Variants in DIS3L2 observed in about 807,000 individuals in gnomAD.
The protein encoded by DIS3L2 is DIS3-like exonuclease 2.
In DIS3L2, 34 loss-of-function variants were observed where a neutral mutation model predicts 97.5. That is an observed-to-expected ratio of 0.35 (90% CI 0.27 to 0.46). The LOEUF (loss-of-function observed/expected upper bound fraction) is 0.46. Among genes scored for constraint, DIS3L2 ranks in the 20% least tolerant of loss-of-function variants. DIS3L2 has a pLI of 1.00. For synonymous variants in DIS3L2, 435 were observed against 445.2 expected (o/e 0.98, Z 0.29); for missense variants, 1,038 against 1,146.0 (o/e 0.91, Z 1.36).
intron 5 of DIS3L2, among the ~76,000 whole-genome samples, chr2:232,069,594 G>A (rs926201965): frequency 6.6e-6 from 1 of 152,198 alleles, no homozygotes; most frequent in African/African-American, 2.4e-5. Context: ...ATGGGCATGT[G>A]ACCCAAATCA....
intron 10 of DIS3L2, among the ~76,000 whole-genome samples, chr2:232,236,942 G>A (rs909693759): frequency 2.0e-5 from 3 of 152,010 alleles, no homozygotes; most frequent in Non-Finnish European, 4.4e-5. Context: ...TAGAGATGGG[G>A]TTTTGCCATG....
intron 12 of DIS3L2, among the ~76,000 whole-genome samples, chr2:232,262,673 T>C (rs565102408): frequency 6.6e-6 from 1 of 152,350 alleles, no homozygotes; most frequent in South Asian, 2.1e-4. Flanking sequence ...AAGCCTGTTC[T>C]AGACTTCTGT....
At chr2:232,329,760 C>A in intron 14 of DIS3L2, 53 bp from the exon 15 acceptor site, 1 of 1,424,056 alleles carries the variant, frequency 7.0e-7, no homozygotes, top group African/African-American at 1.5e-5. Context: ...GGAAAGCCTG[C>A]GCACCTGTCC....
intron 13 of DIS3L2, among the ~76,000 whole-genome samples, chr2:232,299,086 T>G (rs936748854): frequency 4.6e-4 from 70 of 152,378 alleles, no homozygotes; most frequent in African/African-American, 1.5e-3. Flanking sequence ...TTCAAAATCT[T>G]GAACCGTCCT....
intron 1 of DIS3L2, among the ~76,000 whole-genome samples, chr2:231,979,837 A>G (rs1693201885): frequency 6.6e-6 from 1 of 151,972 alleles, no homozygotes; most frequent in African/African-American, 2.4e-5. Context: ...CGGCCTCCCA[A>G]AGTGCTGGGA....
At chr2:232,148,492 T>C (rs1475587383) in intron 8 of DIS3L2, among the ~76,000 whole-genome samples, 2 of 152,292 alleles carry the variant, frequency 1.3e-5, no homozygotes, top group East Asian at 3.9e-4. Context: ...AATAAATTTA[T>C]TTAAATAAGG....
intron 1 of DIS3L2, among the ~76,000 whole-genome samples, chr2:232,013,349 C>T (rs1694264619): frequency 2.0e-5 from 3 of 152,180 alleles, no homozygotes; most frequent in Admixed American, 2.0e-4. Context: ...CTCCCTAGTG[C>T]TTTTGAAAAA....
At chr2:232,148,993 A>G (rs967936339) in intron 8 of DIS3L2, among the ~76,000 whole-genome samples, 2 of 148,218 alleles carry the variant, frequency 1.3e-5, no homozygotes, top group Non-Finnish European at 3.0e-5. Flanking sequence ...ACTTCTCCCC[A>G]GAAAAAGAGT....
chr2:232,125,246 G>A (rs955205685), intron 6 of DIS3L2, among the ~76,000 whole-genome samples: 1 of 152,228 alleles, frequency 6.6e-6, no homozygotes, highest in African/African-American at 2.4e-5. Flanking sequence ...TGAACAGCAT[G>A]TGCTTTCAAA....
chr2:232,162,270 GC>G (rs900274988), intron 8 of DIS3L2, among the ~76,000 whole-genome samples: 17 of 152,306 alleles, frequency 1.1e-4, no homozygotes, highest in African/African-American at 4.1e-4. Context: ...TATGGGAGGA[GC>G]CCACAGGTCA....
chr2:232,092,284 C>T (rs1044577076), intron 6 of DIS3L2, among the ~76,000 whole-genome samples: 7 of 152,120 alleles, frequency 4.6e-5, no homozygotes, highest in African/African-American at 1.7e-4. Context: ...TGTTTTTATG[C>T]CAGTACCATG....
intron 11 of DIS3L2, among the ~76,000 whole-genome samples, chr2:232,239,553 T>C (rs1693023838): frequency 6.6e-6 from 1 of 152,214 alleles, no homozygotes; most frequent in Non-Finnish European, 1.5e-5. Flanking sequence ...TTTTAAAATT[T>C]GGCAGTCCAG....
chr2:232,007,805 C>T (rs1257639956), intron 1 of DIS3L2, among the ~76,000 whole-genome samples: 1 of 152,026 alleles, frequency 6.6e-6, no homozygotes, highest in Non-Finnish European at 1.5e-5. Context: ...TTTTTTTCTT[C>T]TGATGCCTTT....
chr2:232,195,583 G>T (rs2106200848), intron 9 of DIS3L2, among the ~76,000 whole-genome samples: 1 of 148,470 alleles, frequency 6.7e-6, no homozygotes, highest in African/African-American at 2.5e-5. Flanking sequence ...GGTGGTGGGT[G>T]GGGGTGCCAC....
intron 8 of DIS3L2, among the ~76,000 whole-genome samples, chr2:232,145,357 C>T (rs1399244043): frequency 3.3e-5 from 5 of 152,098 alleles, no homozygotes; most frequent in Non-Finnish European, 5.9e-5. Context: ...TATACATTAT[C>T]CTATATCCAG....
chr2:232,190,731 C>T (rs1288627822), intron 9 of DIS3L2, among the ~76,000 whole-genome samples: 4 of 152,046 alleles, frequency 2.6e-5, no homozygotes, highest in Non-Finnish European at 5.9e-5. Context: ...TAGTTACAGG[C>T]ACCAAAGTGA....
rs1694413584 is a variant in DIS3L2, at chr2:232,018,358, C to G, written c.210+2687C>G. ...CTGTGACATCATGGGACTCTGCAGC[C>G]AGGGCCTCCCCCCTACATATGAGAA... On this transcript the variant is annotated intron_variant, in intron 3 of 20. Transcript: ENST00000325385. Among the ~76,000 whole-genome samples the G allele has an allele frequency of 3.3e-5, 5 of 152,304 alleles. No individual in the cohort carries two copies. The South Asian group carries it at 1.0e-3, about 32-fold the overall frequency.
chr2:232,243,212 CA>C (rs1693153381), intron 11 of DIS3L2, among the ~76,000 whole-genome samples: 1 of 151,972 alleles, frequency 6.6e-6, no homozygotes, highest in South Asian at 2.1e-4. Context: ...TCTAGATAGA[CA>C]AAAATGGGCA....
chr2:232,014,139 G>T (rs968459199), intron 1 of DIS3L2, among the ~76,000 whole-genome samples: 14 of 152,224 alleles, frequency 9.2e-5, no homozygotes, highest in African/African-American at 3.4e-4. Context: ...GGGGCCAGCT[G>T]CAGGGCCCCA....
Sources: allele counts gnomAD v4.1 joint callset (sites outside exome capture counted in the v4.1 genomes callset), GRCh38; gene constraint gnomAD v4.1.1; transcripts MANE v1.5; gene names NCBI Gene and HGNC (gene_info 2026-07-23, HGNC 2026-07-21).